SFMBT1: variants seen among roughly 807,000 people sequenced by gnomAD.
The protein encoded by SFMBT1 is scm-like with four MBT domains protein 1.
Under a neutral mutation model 108.7 loss-of-function variants are expected in SFMBT1, and 32 were observed. That is an observed-to-expected ratio of 0.29 (90% CI 0.22 to 0.40). The LOEUF is 0.40. Ranked by LOEUF, SFMBT1 falls within the 10% of genes least tolerant of loss-of-function variation. The pLI is 1.00. For synonymous variants in SFMBT1, 348 were observed against 369.5 expected (o/e 0.94, Z 0.67); for missense variants, 816 against 1,059.6 (o/e 0.77, Z 3.19).
intron 2 of SFMBT1, among the ~76,000 whole-genome samples, 198 bp downstream of exon 2, chr3:52,968,903 C>T (rs1704244583): frequency 6.6e-6 from 1 of 152,082 alleles, no homozygotes; most frequent in Non-Finnish European, 1.5e-5. Flanking sequence ...TTGTTCATAA[C>T]AGTTTCTTAT....
chr3:52,989,967 T>C (rs1705064356), intron 1 of SFMBT1, among the ~76,000 whole-genome samples: 1 of 152,200 alleles, frequency 6.6e-6, no homozygotes, highest in Admixed American at 6.5e-5. Flanking sequence ...GGCAGACAAT[T>C]GGTTACTAAT....
intron 13 of SFMBT1, 57 bp from the exon 14 acceptor site, chr3:52,916,271 G>A: frequency 6.7e-7 from 1 of 1,499,586 alleles, no homozygotes; most frequent in East Asian, 2.3e-5. Flanking sequence ...AGTAAAGTGT[G>A]AGGCTTAGTT....
intron 1 of SFMBT1, among the ~76,000 whole-genome samples, chr3:52,984,253 T>C (rs1362444075): frequency 6.6e-6 from 1 of 152,210 alleles, no homozygotes; most frequent in Non-Finnish European, 1.5e-5. Flanking sequence ...GGTTTGTTCT[T>C]GGAGTTTTCA....
intron 1 of SFMBT1, among the ~76,000 whole-genome samples, chr3:52,980,187 G>A (rs918093960): frequency 3.3e-5 from 5 of 152,050 alleles, no homozygotes; most frequent in South Asian, 2.1e-4. Flanking sequence ...CCAGTCCTGA[G>A]AAATGTAAAC....
chr3:52,919,374 C>T (rs1187773915), intron 12 of SFMBT1, among the ~76,000 whole-genome samples: 1 of 152,184 alleles, frequency 6.6e-6, no homozygotes, highest in Non-Finnish European at 1.5e-5. Context: ...ACACACACTA[C>T]AACATGGATG....
rs749040059 is a variant in SFMBT1 at position 52,907,650 on chromosome 3, C to CT, written c.1989dup (p.Ala664SerfsTer3). On this transcript the variant is annotated frameshift_variant, in exon 18 of 21. Transcript: ENST00000394752. LOFTEE classifies it high-confidence loss of function. ...TTCCGCCTCTTTCTCCTCTTACTGG[C>CT]TTTTTTCAGGGCACAAGCTAAGTTA... The CT allele has an allele frequency of 6.2e-7, 1 of 1,614,154 alleles. No homozygotes were observed. Among genetic ancestry groups the CT allele is most frequent in the Non-Finnish European group, 8.5e-7 (1 of 1,180,026 alleles).
chr3:52,967,712 T>C (rs144108687), intron 2 of SFMBT1, among the ~76,000 whole-genome samples: 23 of 152,170 alleles, frequency 1.5e-4, no homozygotes, highest in African/African-American at 5.3e-4. Flanking sequence ...AGTAGGAACA[T>C]GTAAAGATGT....
At chr3:52,934,954 G>A (rs1702964342) in intron 4 of SFMBT1, 53 bp from the exon 5 acceptor site, 5 of 1,463,808 alleles carry the variant, frequency 3.4e-6, no homozygotes, top group African/African-American at 1.4e-5. Flanking sequence ...ACAGAATGCA[G>A]AGAAACCGAA....
intron 1 of SFMBT1, among the ~76,000 whole-genome samples, chr3:52,985,625 A>G (rs1704878250): frequency 6.6e-6 from 1 of 152,218 alleles, no homozygotes; most frequent in Admixed American, 6.5e-5. Context: ...TAATGAGGAT[A>G]TGTTCTGAGA....
intron 1 of SFMBT1, among the ~76,000 whole-genome samples, chr3:53,008,175 T>C (rs1413584980): frequency 1.3e-5 from 2 of 152,024 alleles, no homozygotes; most frequent in Non-Finnish European, 2.9e-5. Flanking sequence ...TTGATGGTAA[T>C]ATAATGTGTC....
chr3:52,980,315 A>G (rs562804377), intron 1 of SFMBT1, among the ~76,000 whole-genome samples: 1 of 151,728 alleles, frequency 6.6e-6, no homozygotes, highest in South Asian at 2.1e-4. Context: ...CCTTGAGCTC[A>G]AGTGTTGCGA....
chr3:53,040,303 T>C (rs1291484963), intron 1 of SFMBT1, among the ~76,000 whole-genome samples: 1 of 152,214 alleles, frequency 6.6e-6, no homozygotes, highest in Admixed American at 6.5e-5. Flanking sequence ...CAAATCTGAG[T>C]ACTTGTTGGC....
intron 1 of SFMBT1, among the ~76,000 whole-genome samples, chr3:52,994,023 T>C (rs1021057830): frequency 4.0e-5 from 6 of 150,392 alleles, no homozygotes; most frequent in African/African-American, 1.5e-4. Context: ...ATAATACAAG[T>C]AGAACACTTT....
At chr3:52,969,621 G>A (rs945849171) in intron 1 of SFMBT1, among the ~76,000 whole-genome samples, 5 of 152,162 alleles carry the variant, frequency 3.3e-5, no homozygotes, top group Non-Finnish European at 7.4e-5. Context: ...TAGGGAGACA[G>A]GGGAGTTAGC....
intron 2 of SFMBT1, among the ~76,000 whole-genome samples, chr3:52,961,191 G>C (rs1703949108): frequency 6.6e-6 from 1 of 152,020 alleles, no homozygotes; most frequent in Non-Finnish European, 1.5e-5. Context: ...ATTATGCTAA[G>C]AGAAATAAGC....
At chr3:52,943,765 G>A (rs1028351014) in intron 3 of SFMBT1, among the ~76,000 whole-genome samples, 172 bp from the exon 4 acceptor site, 8 of 152,090 alleles carry the variant, frequency 5.3e-5, no homozygotes, top group Non-Finnish European at 1.0e-4. Flanking sequence ...TAAAACAAAC[G>A]AATAGCAATG....
intron 3 of SFMBT1, among the ~76,000 whole-genome samples, chr3:52,947,949 G>A (rs1703429963): frequency 6.6e-6 from 1 of 152,018 alleles, no homozygotes; most frequent in African/African-American, 2.4e-5. Flanking sequence ...TGTCTAGGCT[G>A]CTCTCGAACT....
At chr3:52,993,764 A>C (rs1225706924) in intron 1 of SFMBT1, among the ~76,000 whole-genome samples, 1 of 150,450 alleles carries the variant, frequency 6.6e-6, no homozygotes, top group African/African-American at 2.4e-5. Flanking sequence ...GCAAGCGCTC[A>C]ATATAATTTA....
rs554061182 is a variant in SFMBT1 at position 52,987,694 on chromosome 3, G to C, written c.-130-18436C>G. ...AGAGTGATGGCCCTAGATGATCTGCGCTCAAGTTGTTTTATTCATTCATTC... is the reference window on the plus strand; with the variant it reads ...AGAGTGATGGCCCTAGATGATCTGCCCTCAAGTTGTTTTATTCATTCATTC... On this transcript the variant is annotated intron_variant, in intron 1 of 20. Coordinates refer to ENST00000394752, the MANE Select transcript of SFMBT1 (RefSeq NM_016329.4). 5.3e-5 allele frequency among the ~76,000 whole-genome samples: 8 copies of C among 152,234 alleles called. No homozygotes were observed. The South Asian group carries it at 1.7e-3, about 32-fold the overall frequency.
Sources: gnomAD v4.1 joint callset for allele counts (sites outside exome capture counted in the v4.1 genomes callset) on GRCh38, gnomAD v4.1.1 for gene constraint, MANE v1.5 for transcripts, NCBI Gene and HGNC (gene_info 2026-07-23, HGNC 2026-07-21) for gene names.